PCDH15: variants seen among roughly 807,000 people sequenced by gnomAD.
PCDH15 encodes the protein protocadherin-15.
PCDH15 carries 129 observed loss-of-function variants against 178.5 expected under a neutral mutation model. The observed-to-expected ratio is 0.72, with a 90% CI of 0.63 to 0.84. The LOEUF (loss-of-function observed/expected upper bound fraction) is 0.84, where lower values mean the gene tolerates loss of function less well. PCDH15 is among the 40% of genes least tolerant of loss of function. The pLI is 0.00. For synonymous variants in PCDH15, 800 were observed against 732.0 expected (o/e 1.09, Z -1.50); for missense variants, 2,230 against 2,099.9 (o/e 1.06, Z -1.21).
chr10:54,412,504 A>C (rs577170680), intron 3 of PCDH15, among the ~76,000 whole-genome samples: 2 of 152,116 alleles, frequency 1.3e-5, no homozygotes, highest in South Asian at 4.1e-4. Flanking sequence ...TGTTCTCTCA[A>C]TTCCTCAGAG....
rs200980153 is a variant in PCDH15 at position 54,589,138 on chromosome 10, A to T, written c.92-61261T>A. Among the ~76,000 whole-genome samples, 5 of 152,230 alleles carry T rather than the reference A, an allele frequency of 3.3e-5. No homozygotes were observed. In the East Asian group the frequency reaches 9.7e-4, roughly 29 times the overall value. On this transcript the variant is annotated intron_variant, in intron 2 of 37. Transcript: ENST00000644397. The stretch of plus-strand genomic sequence containing the variant: ...GTAATCATTACTCAACATATTTTTG[A>T]AGAGTCTAAAGGAAATTTCCACTGT...
chr10:54,329,760 T>C lies in PCDH15; in HGVS notation c.595-54A>G, dbSNP rs1591825488. 1.3e-5 allele frequency: 15 copies of C among 1,161,264 alleles called. No individual in the cohort carries two copies. The East Asian group carries it at 3.5e-4, about 27-fold the overall frequency. The allele number at this position is 1,161,264 out of a possible 1,614,324, so 71.9% of individuals were successfully genotyped here. On this transcript the variant is annotated intron_variant, in intron 6 of 37. Transcript: ENST00000644397. ...ATTATTTGAATGTAAGATGAATTAA[T>C]AACTCAATATTTTGGATTAATCCTC...
chr10:54,841,711 T>G (rs1360686008), intron 3 of PCDH15, among the ~76,000 whole-genome samples: 1 of 151,814 alleles, frequency 6.6e-6, no homozygotes, highest in African/African-American at 2.4e-5. Flanking sequence ...GAAAAAAATT[T>G]AAAGTTCACC....
chr10:54,124,876 C>G (rs971314998), intron 15 of PCDH15, among the ~76,000 whole-genome samples: 1 of 152,160 alleles, frequency 6.6e-6, no homozygotes, highest in Non-Finnish European at 1.5e-5. Context: ...TCTGACAGGA[C>G]CTGTTAATTC....
At chr10:53,811,970 C>A (rs148629376) in intron 35 of PCDH15, among the ~76,000 whole-genome samples, 1 of 152,074 alleles carries the variant, frequency 6.6e-6, no homozygotes, top group Non-Finnish European at 1.5e-5. Flanking sequence ...TAATATTTAA[C>A]TCAATTTTAA....
At chr10:53,870,861 A>T (rs1204039019) in intron 26 of PCDH15, among the ~76,000 whole-genome samples, 1 of 152,208 alleles carries the variant, frequency 6.6e-6, no homozygotes, top group Non-Finnish European at 1.5e-5. Flanking sequence ...GATACCAATA[A>T]TAAAATTCAG....
intron 3 of PCDH15, among the ~76,000 whole-genome samples, chr10:54,387,318 A>C (rs1371508487): frequency 3.9e-5 from 6 of 152,138 alleles, no homozygotes; most frequent in Non-Finnish European, 8.8e-5. Context: ...AAAACTTGGA[A>C]GCAAATTAAG....
At chr10:55,247,379 A>G (rs531987934) in intron 1 of PCDH15, among the ~76,000 whole-genome samples, 3 of 152,280 alleles carry the variant, frequency 2.0e-5, no homozygotes, top group Admixed American at 6.5e-5. Context: ...CAAACAGGCC[A>G]TGTTTATTTC....
At chr10:53,933,040 A>G (rs758648820) in intron 25 of PCDH15, among the ~76,000 whole-genome samples, 2 of 152,014 alleles carry the variant, frequency 1.3e-5, no homozygotes, top group Non-Finnish European at 2.9e-5. Context: ...CACCACGATT[A>G]TAAGCTTCCG....
rs185159277 is a variant in PCDH15 at position 54,957,060 on chromosome 10, C to G, written c.-79-59560G>C. ...AGTTATAAGACTGCTATTTGTGTTA[C>G]AGTTCTGCTCCTGGCCCAGTGATCA... On this transcript the variant is annotated intron_variant, in intron 2 of 5. Coordinates refer to the PCDH15 transcript ENST00000458638. Among the ~76,000 whole-genome samples the G allele has an allele frequency of 2.6e-5, 4 of 151,732 alleles. No homozygotes were observed. The East Asian group carries it at 7.7e-4, about 29-fold the overall frequency.
chr10:54,205,069 T>C (rs1003947261), intron 10 of PCDH15, among the ~76,000 whole-genome samples: 8 of 152,174 alleles, frequency 5.3e-5, no homozygotes, highest in African/African-American at 1.9e-4. Flanking sequence ...TCTCAAAATT[T>C]AGCATCCGAA....
intron 2 of PCDH15, among the ~76,000 whole-genome samples, chr10:55,396,765 G>A (rs1355915416): frequency 6.6e-6 from 1 of 152,144 alleles, no homozygotes; most frequent in Non-Finnish European, 1.5e-5. Context: ...AAGGTGGTAA[G>A]TCAAAATGGA....
chr10:54,981,201 A>G (rs1223518894), intron 2 of PCDH15, among the ~76,000 whole-genome samples: 1 of 152,260 alleles, frequency 6.6e-6, no homozygotes, highest in African/African-American at 2.4e-5. Context: ...ATCCCAATAC[A>G]TTTCATAGCA....
chr10:54,142,546 G>T (rs9651345), intron 14 of PCDH15, among the ~76,000 whole-genome samples: 1 of 152,080 alleles, frequency 6.6e-6, no homozygotes, highest in Non-Finnish European at 1.5e-5. Flanking sequence ...TAAATTAAAC[G>T]TTAATGTCAA....
intron 25 of PCDH15, among the ~76,000 whole-genome samples, chr10:53,933,419 T>C (rs1373897314): frequency 6.7e-6 from 1 of 149,848 alleles, no homozygotes; most frequent in Non-Finnish European, 1.5e-5. Flanking sequence ...TGAGAACATG[T>C]GGTGTTTGGT....
intron 2 of PCDH15, among the ~76,000 whole-genome samples, chr10:55,350,268 TACACAC>T (rs766450240): frequency 0.01 from 566 of 56,506 alleles, 23 homozygotes; most frequent in African/African-American, 0.046. Context: ...TATATATATA[TACACAC>T]ACACACACAC....
At chr10:54,617,092 T>C (rs992108604) in intron 2 of PCDH15, among the ~76,000 whole-genome samples, 1 of 152,026 alleles carries the variant, frequency 6.6e-6, no homozygotes. Context: ...AGACTGGATT[T>C]CACCATGTTG....
Position 54,356,963 on chromosome 10 carries a change from C to T in PCDH15, c.475-10479G>A, listed in dbSNP as rs150891532. On this transcript the variant is annotated intron_variant, in intron 5 of 37. Coordinates refer to ENST00000644397, the MANE Select transcript of PCDH15 (RefSeq NM_001384140.1). ...AGGCCTTTGACAAAATTCAACAACC[C>T]TTCATGCTAAAAAATCTCAATAAAT... Among the ~76,000 whole-genome samples the T allele has an allele frequency of 3.0e-3, 458 of 152,210 alleles. 4 individuals carry two copies. Among genetic ancestry groups the T allele is most frequent in the African/African-American group, 0.01 (435 of 41,536 alleles).
At chr10:55,586,213 A>G (rs1415336775) in intron 2 of PCDH15, among the ~76,000 whole-genome samples, 1 of 152,136 alleles carries the variant, frequency 6.6e-6, no homozygotes, top group Non-Finnish European at 1.5e-5. Flanking sequence ...ACTCAAGATT[A>G]TATGACTCAT....
Sources: gnomAD v4.1 joint callset for allele counts (sites outside exome capture counted in the v4.1 genomes callset) on GRCh38, gnomAD v4.1.1 for gene constraint, MANE v1.5 for transcripts, NCBI Gene and HGNC (gene_info 2026-07-23, HGNC 2026-07-21) for gene names.